The following TRPC7 variants were observed in gnomAD, a reference collection of about 807,000 sequenced individuals.
TRPC7 encodes the protein transient receptor potential cation channel subfamily C member 7.
In TRPC7, 42 loss-of-function variants were observed where a neutral mutation model predicts 90.1. The observed-to-expected ratio is 0.47, with a 90% CI of 0.36 to 0.60. The LOEUF (loss-of-function observed/expected upper bound fraction) is 0.60. Among genes scored for constraint, TRPC7 ranks in the 20% least tolerant of loss-of-function variants. TRPC7 has a pLI of 0.00. For missense variants in TRPC7, 955 were observed against 1,112.3 expected (o/e 0.86, Z 2.01); for synonymous variants, 451 against 436.3 (o/e 1.03, Z -0.42).
intron 3 of TRPC7, among the ~76,000 whole-genome samples, chr5:136,312,391 A>T (rs1231079614): frequency 6.6e-6 from 1 of 152,226 alleles, no homozygotes; most frequent in Non-Finnish European, 1.5e-5. Flanking sequence ...GGGAGTCATC[A>T]CTGAATGACA....
intron 2 of TRPC7, among the ~76,000 whole-genome samples, chr5:136,325,957 T>G (rs954748687): frequency 4.6e-5 from 7 of 151,852 alleles, no homozygotes; most frequent in African/African-American, 1.7e-4. Flanking sequence ...AAAGGGAGAG[T>G]GCCTGGGATT....
intron 3 of TRPC7, among the ~76,000 whole-genome samples, chr5:136,294,949 C>T (rs1264244329): frequency 3.3e-5 from 5 of 152,208 alleles, no homozygotes; most frequent in Non-Finnish European, 7.3e-5. Flanking sequence ...CCATTGAATA[C>T]TATGCAGCCA....
intron 3 of TRPC7, among the ~76,000 whole-genome samples, chr5:136,310,112 C>G (rs551203916): frequency 8.5e-5 from 13 of 152,282 alleles, no homozygotes; most frequent in African/African-American, 2.4e-4. Context: ...CAAGGCCCAG[C>G]TTGGCCCGTT....
At chr5:136,221,280 G>A (rs557940257) in intron 10 of TRPC7, among the ~76,000 whole-genome samples, 11 of 152,122 alleles carry the variant, frequency 7.2e-5, no homozygotes, top group Non-Finnish European at 1.3e-4. Context: ...AGCAAATACT[G>A]GAGATGAGTA....
chr5:136,313,104 A>G (rs1320310157), intron 3 of TRPC7, among the ~76,000 whole-genome samples: 2 of 151,542 alleles, frequency 1.3e-5, no homozygotes, highest in Non-Finnish European at 2.9e-5. Flanking sequence ...GGCATAAGCC[A>G]CTGCGTGATG....
intron 5 of TRPC7, among the ~76,000 whole-genome samples, chr5:136,262,617 T>G (rs1226940388): frequency 5.3e-5 from 8 of 152,252 alleles, no homozygotes; most frequent in African/African-American, 1.9e-4. Flanking sequence ...TTAGGCTTGA[T>G]AATGTTTTTC....
chr5:136,235,359 T>C (rs1244923964), intron 7 of TRPC7, among the ~76,000 whole-genome samples: 3 of 152,176 alleles, frequency 2.0e-5, no homozygotes, highest in African/African-American at 7.2e-5. Flanking sequence ...TCTTCCAACT[T>C]AACATGTGGC....
chr5:136,342,470 C>G (rs571787350), intron 2 of TRPC7, among the ~76,000 whole-genome samples: 2 of 152,274 alleles, frequency 1.3e-5, no homozygotes, highest in Admixed American at 1.3e-4. Context: ...GAAAGAATGG[C>G]TGAAGCTGAC....
intron 1 of TRPC7, among the ~76,000 whole-genome samples, chr5:136,359,395 A>G (rs1227217446): frequency 6.6e-6 from 1 of 152,246 alleles, no homozygotes; most frequent in African/African-American, 2.4e-5. Context: ...AAATCCTAAT[A>G]GAGAGCTCTG....
chr5:136,330,334 T>C (rs190224210), intron 2 of TRPC7, among the ~76,000 whole-genome samples: 9 of 152,386 alleles, frequency 5.9e-5, no homozygotes, highest in Admixed American at 3.9e-4. Flanking sequence ...TTTATCTCAT[T>C]GAATTCTCAT....
intron 3 of TRPC7, among the ~76,000 whole-genome samples, chr5:136,298,259 T>C (rs575773053): frequency 9.9e-5 from 15 of 152,164 alleles, no homozygotes; most frequent in African/African-American, 3.6e-4. Flanking sequence ...AGCAGAGACC[T>C]GAGGGAAAGG....
chr5:136,364,584 C>A (rs566320289), intron 1 of TRPC7, among the ~76,000 whole-genome samples: 2 of 152,052 alleles, frequency 1.3e-5, no homozygotes, highest in Non-Finnish European at 2.9e-5. Context: ...ATCCATTACG[C>A]CTCTAAATTA....
intron 2 of TRPC7, among the ~76,000 whole-genome samples, chr5:136,341,496 T>A (rs1052287230): frequency 6.6e-6 from 1 of 151,934 alleles, no homozygotes; most frequent in Middle Eastern, 3.2e-3. Context: ...CACACACCTA[T>A]GTATAAATAA....
chr5:136,363,403 G>A (rs1003989277), intron 1 of TRPC7, among the ~76,000 whole-genome samples: 1 of 152,078 alleles, frequency 6.6e-6, no homozygotes. Context: ...TATATTAATT[G>A]TGGGTTTAAG....
At chr5:136,287,712 A>AAAAAAAAAAAAAAAAAAAC (rs1757773292) in intron 3 of TRPC7, among the ~76,000 whole-genome samples, 1 of 119,768 alleles carries the variant, frequency 8.3e-6, no homozygotes, top group East Asian at 3.1e-4. Flanking sequence ...AAAAAAAAAA[A>AAAAAAAAAAAAAAAAAAAC]AAAAAAAAAA....
intron 3 of TRPC7, among the ~76,000 whole-genome samples, chr5:136,310,171 G>A (rs1208816295): frequency 6.6e-6 from 1 of 152,054 alleles, no homozygotes; most frequent in Non-Finnish European, 1.5e-5. Flanking sequence ...TCACCACAGG[G>A]CTTTCAAACA....
rs544669748 is a variant in TRPC7 at position 136,251,741 on chromosome 5, G to A, written c.1487C>T (p.Ala496Val). The A allele has an allele frequency of 1.5e-5, 25 of 1,613,940 alleles. No homozygotes were observed. The highest frequency in any genetic ancestry group is 1.6e-4 in the Middle Eastern group (1 of 6,062). The change falls in exon 6 of 12, where the codon GCC becomes GTC. Residue 496 changes from alanine to valine, a missense_variant. Coordinates refer to ENST00000513104, the MANE Select transcript of TRPC7 (RefSeq NM_020389.3). The stretch of plus-strand genomic sequence containing the variant: ...GTCCACGTACAGCTGTGCCTCCGTG[G>A]CCTTCAGGAAGGCCATGAAGCGTGC... ...FTARFMAFLK[A>V]TEAQLYVDQH...
intron 3 of TRPC7, among the ~76,000 whole-genome samples, chr5:136,313,763 A>G (rs1047173837): frequency 1.3e-5 from 2 of 152,192 alleles, no homozygotes; most frequent in East Asian, 3.9e-4. Flanking sequence ...CAGACACTTG[A>G]CATTCATGTT....
In TRPC7 at chr5:136,329,467, G is replaced by A. The variant is rs187284163; in HGVS notation, c.781-13688C>T. On this transcript the variant is annotated intron_variant, in intron 2 of 11. Coordinates refer to ENST00000513104, the MANE Select transcript of TRPC7 (RefSeq NM_020389.3). Reference sequence around the variant, plus strand: ...GGTTGGGGCATGCTACCTGAGTTTCGGATATCACGGGGTTTCCAAAAGGAG... The same window carrying A: ...GGTTGGGGCATGCTACCTGAGTTTCAGATATCACGGGGTTTCCAAAAGGAG... Among the ~76,000 whole-genome samples, 82 of 152,156 alleles carry A rather than the reference G, an allele frequency of 5.4e-4. No individual in the cohort carries two copies. In the East Asian group the frequency reaches 0.014, roughly 25 times the overall value.
Sources: allele counts gnomAD v4.1 joint callset (sites outside exome capture counted in the v4.1 genomes callset), GRCh38; gene constraint gnomAD v4.1.1; transcripts MANE v1.5; gene names NCBI Gene and HGNC (gene_info 2026-07-23, HGNC 2026-07-21).